The following TOMM40L variants were observed in gnomAD, a reference collection of about 807,000 sequenced individuals.
TOMM40L encodes the protein mitochondrial import receptor subunit TOM40B.
TOMM40L carries 17 observed loss-of-function variants against 38.3 expected under a neutral mutation model. The observed-to-expected ratio is 0.44, with a 90% confidence interval of 0.30 to 0.67. The LOEUF (loss-of-function observed/expected upper bound fraction) is 0.67. TOMM40L is among the 30% of genes least tolerant of loss of function. TOMM40L has a pLI of 0.08. For synonymous variants in TOMM40L, 151 were observed against 150.2 expected (o/e 1.01, Z -0.04); for missense variants, 294 against 390.0 (o/e 0.75, Z 2.07).
intron 7 of TOMM40L, 31 bp downstream of exon 7, chr1:161,228,339 T>TG (rs764844453): frequency 1.7e-5 from 28 of 1,607,540 alleles, no homozygotes; most frequent in Non-Finnish European, 1.3e-5. Flanking sequence ...GTGGTGGTGG[T>TG]GGGGGGCAAT....
Position 161,229,118 on chromosome 1 carries a change from C to T in TOMM40L, c.*23C>T, listed in dbSNP as rs1235051225. On this transcript the variant is annotated 3_prime_UTR_variant, in exon 10 of 10. Coordinates refer to ENST00000367988, the MANE Select transcript of TOMM40L (RefSeq NM_032174.6). ...TGAGGTTGTCCAGAGCCAGCCCCCA[C>T]AGCAGCTGGAACCTCTGAGTCAGGT... The T allele has an allele frequency of 2.5e-6, 4 of 1,614,068 alleles. No homozygotes were observed. The highest frequency in any genetic ancestry group is 3.4e-6 in the Non-Finnish European group (4 of 1,180,026).
At chr1:161,228,075 G>A in intron 6 of TOMM40L, 86 bp downstream of exon 6, 10 of 1,592,538 alleles carry the variant, frequency 6.3e-6, no homozygotes, top group Non-Finnish European at 8.6e-6. Flanking sequence ...ACAGTTTGGA[G>A]TTTAGAAAAG....
chr1:161,226,860 A>G, intron 2 of TOMM40L, 28 bp from the exon 3 acceptor site: 1 of 1,612,720 alleles, frequency 6.2e-7, no homozygotes. Flanking sequence ...GTCTGTGCTT[A>G]TTCCTTCCCT....
At chr1:161,228,397 C>G in intron 7 of TOMM40L, 31 bp from the exon 8 acceptor site, 1 of 1,613,782 alleles carries the variant, frequency 6.2e-7, no homozygotes, top group South Asian at 1.1e-5. Flanking sequence ...ACAGTTAACA[C>G]TCCTTCCCCT....
chr1:161,229,435 G>T lies in TOMM40L; in HGVS notation c.*340G>T. On this transcript the variant is annotated 3_prime_UTR_variant, in exon 10 of 10. Coordinates refer to ENST00000367988, the MANE Select transcript of TOMM40L (RefSeq NM_032174.6). ...TCTTCCTTTCCCTTTGGTTAATCCT[G>T]CATGGGATTAGCTGACCATCCTGTT... 1 of 639,524 alleles carries T rather than the reference G, an allele frequency of 1.6e-6. No homozygotes were observed. Among genetic ancestry groups the T allele is most frequent in the Non-Finnish European group, 2.7e-6 (1 of 375,010 alleles). 39.6% of individuals were successfully genotyped at this position (639,524 alleles called of 1,614,324 possible). A position where few individuals can be genotyped will look rare whatever the true frequency, so the allele number is the denominator to read the frequency against.
chr1:161,227,766 G>A, intron 5 of TOMM40L, 29 bp downstream of exon 5: 1 of 1,610,452 alleles, frequency 6.2e-7, no homozygotes, highest in East Asian at 2.2e-5. Context: ...TCCATCCCCT[G>A]AGGCACTTCC....
At chr1:161,227,765 T>G in intron 5 of TOMM40L, 28 bp downstream of exon 5, 1 of 1,598,648 alleles carries the variant, frequency 6.3e-7, no homozygotes, top group Non-Finnish European at 8.6e-7. Context: ...CTCCATCCCC[T>G]GAGGCACTTC....
chr1:161,227,898 G>C lies in TOMM40L; in HGVS notation c.393G>C (p.Lys131Asn). The change falls in exon 6 of 10, where the codon AAG becomes AAC. Residue 131 changes from lysine to asparagine, a missense_variant. Physicochemically the swap from Lys to Asn is moderately conservative, Grantham distance 94. Transcript: ENST00000367988. ...TTGCCACCCAGACGCAGCAGGCCAA[G>C]TTCCTGACATGGCAGTTTGATGGCG... ...AKAVFQTQQA[K>N]FLTWQFDGEY... 6.2e-7 allele frequency: 1 copy of C among 1,614,170 alleles called. No homozygotes were observed.
Position 161,227,435 on chromosome 1 carries a change from G to A in TOMM40L, c.276+85G>A, listed in dbSNP as rs1029829028. On this transcript the variant is annotated intron_variant, in intron 4 of 9. Coordinates refer to ENST00000367988, the MANE Select transcript of TOMM40L (RefSeq NM_032174.6). ...AGGAAGAGGAATTGTGTGTGTTATGGGGAGGAATGGGCCGTAACCTGATTC... is the reference window on the plus strand; with the variant it reads ...AGGAAGAGGAATTGTGTGTGTTATGAGGAGGAATGGGCCGTAACCTGATTC... The A allele has an allele frequency of 3.8e-6, 5 of 1,326,410 alleles. No individual in the cohort carries two copies. The African/African-American group carries it at 7.3e-5, about 19-fold the overall frequency. The allele number at this position is 1,326,410 out of a possible 1,614,324, so 82.2% of individuals were successfully genotyped here.
Position 161,227,948 on chromosome 1 carries a change from C to A in TOMM40L, c.443C>A (p.Ala148Asp). 1 of 1,614,124 alleles carries A rather than the reference C, an allele frequency of 6.2e-7. No homozygotes were observed. The highest frequency in any genetic ancestry group is 1.1e-5 in the South Asian group (1 of 91,078). ...GAGTATCGGGGAGATGACTACACAG[C>A]CACTCTGACCCTAGGAAATCCTGAC... The part of the protein sequence containing the change: ...DGEYRGDDYT[A>D]TLTLGNPDLI... The change falls in exon 6 of 10, where the codon GCC becomes GAC. Residue 148 changes from alanine to aspartate, a missense_variant. Physicochemically the swap from Ala to Asp is moderately radical, Grantham distance 126. Coordinates refer to ENST00000367988, the MANE Select transcript of TOMM40L (RefSeq NM_032174.6).
rs776801159 is a variant in TOMM40L, at chr1:161,228,024, C to T, written c.484+35C>T. On this transcript the variant is annotated intron_variant, in intron 6 of 9. Coordinates refer to ENST00000367988, the MANE Select transcript of TOMM40L (RefSeq NM_032174.6). ...TGGGACAGGGTTCTTTTTATCTTGGCGGCCCATTTGCTAATGTTACTATGC... is the reference window on the plus strand; with the variant it reads ...TGGGACAGGGTTCTTTTTATCTTGGTGGCCCATTTGCTAATGTTACTATGC... 5.3e-5 allele frequency: 86 copies of T among 1,608,056 alleles called. No individual in the cohort carries two copies. The East Asian group carries it at 1.3e-3, about 25-fold the overall frequency.
In TOMM40L at chr1:161,228,535, C is replaced by T. The variant is rs766619867; in HGVS notation, c.684+31C>T. 6 of 1,611,680 alleles carry T rather than the reference C, an allele frequency of 3.7e-6. No individual in the cohort carries two copies. The African/African-American group carries it at 5.3e-5, about 14-fold the overall frequency. ...ACCTCTGATCTCATTCCCTCCTTGT[C>T]AGCAAGTCAGTCATGAACTTCTGTT... On this transcript the variant is annotated intron_variant, in intron 8 of 9. Transcript: ENST00000367988.
chr1:161,229,099 T>C lies in TOMM40L; in HGVS notation c.*4T>C. 3 of 1,614,004 alleles carry C rather than the reference T, an allele frequency of 1.9e-6. No homozygotes were observed. Among genetic ancestry groups the C allele is most frequent in the Non-Finnish European group, 1.7e-6 (2 of 1,179,856 alleles). On this transcript the variant is annotated 3_prime_UTR_variant, in exon 10 of 10. Coordinates refer to ENST00000367988, the MANE Select transcript of TOMM40L (RefSeq NM_032174.6). ...CTTCAGCATCACTGTGGGCTGAGGT[T>C]GTCCAGAGCCAGCCCCCACAGCAGC...
intron 5 of TOMM40L, 70 bp from the exon 6 acceptor site, chr1:161,227,814 G>C (rs900630719): frequency 1.2e-6 from 2 of 1,605,214 alleles, no homozygotes; most frequent in Non-Finnish European, 1.7e-6. Context: ...TGAGGGCTTG[G>C]AAGGAGGAGC....
Position 161,226,502 on chromosome 1 carries a change from T to A in TOMM40L, c.13T>A (p.Leu5Met). 6.2e-7 allele frequency: 1 copy of A among 1,613,888 alleles called. No homozygotes were observed. The highest frequency in any genetic ancestry group is 8.5e-7 in the Non-Finnish European group (1 of 1,179,940). Reference sequence around the variant, plus strand: ...CCTCTGGACTAAAATGGGGAACACATTGGGCCTGGCACCAATGGGGACTTT... The same window carrying A: ...CCTCTGGACTAAAATGGGGAACACAATGGGCCTGGCACCAATGGGGACTTT... Reference protein sequence around the residue: MGNTLGLAPMGTLPR... With the variant: MGNTMGLAPMGTLPR... The change falls in exon 2 of 10, where the codon TTG becomes ATG. Residue 5 changes from leucine (L) to methionine (M), a missense_variant. Transcript: ENST00000367988.
chr1:161,228,837 A>T lies in TOMM40L; in HGVS notation c.787+20A>T, dbSNP rs758086197. The T allele has an allele frequency of 1.2e-6, 2 of 1,613,994 alleles. No homozygotes were observed. The highest frequency in any genetic ancestry group is 2.7e-5 in the African/African-American group (2 of 74,906). ...TTAGAGGTGAGGGTTATTGGGAGAC[A>T]TTTGGCTATCCTGAGGAATGGGGGA... is the stretch of plus-strand genomic sequence containing the variant. On this transcript the variant is annotated intron_variant, in intron 9 of 9. Coordinates refer to ENST00000367988, the MANE Select transcript of TOMM40L (RefSeq NM_032174.6).
rs985781241 is a variant in TOMM40L at position 161,230,311 on chromosome 1, C to G, written c.*1216C>G. On this transcript the variant is annotated 3_prime_UTR_variant, in exon 10 of 10. Coordinates refer to ENST00000367988, the MANE Select transcript of TOMM40L (RefSeq NM_032174.6). ...CTGGCCAAACTAGCTCTTGGAGGAA[C>G]GAGCAAAACAGAAGCGGTGCATACC... is the stretch of plus-strand genomic sequence containing the variant. 2 of 285,816 alleles carry G rather than the reference C, an allele frequency of 7.0e-6. No homozygotes were observed. Among genetic ancestry groups the G allele is most frequent in the Non-Finnish European group, 1.3e-5 (2 of 152,436 alleles). The allele number at this position is 285,816 out of a possible 1,614,324, so 17.7% of individuals were successfully genotyped here.
chr1:161,229,701 C>T lies in TOMM40L; in HGVS notation c.*606C>T. ...AGTCTTTCATTGCAACCACTGGGCT[C>T]CCTTTGAACCCGGCCCAATCTTTGG... On this transcript the variant is annotated 3_prime_UTR_variant, in exon 10 of 10. Transcript: ENST00000367988. 3 of 1,614,158 alleles carry T rather than the reference C, an allele frequency of 1.9e-6. No individual in the cohort carries two copies. The highest frequency in any genetic ancestry group is 2.2e-5 in the South Asian group (2 of 91,086).
intron 2 of TOMM40L, 87 bp from the exon 3 acceptor site, chr1:161,226,801 T>TC (rs1666375196): frequency 6.7e-7 from 1 of 1,483,730 alleles, no homozygotes; most frequent in Non-Finnish European, 9.3e-7. Context: ...TCCAAAGTGT[T>TC]CCCTATGGGA....
Sources: gnomAD v4.1 joint callset for allele counts on GRCh38, gnomAD v4.1.1 for gene constraint, MANE v1.5 for transcripts, NCBI Gene and HGNC (gene_info 2026-07-23, HGNC 2026-07-21) for gene names.